Variants in LCLAT1 observed in about 807,000 individuals in gnomAD.
LCLAT1 encodes 1-AGP acyltransferase 8.
LCLAT1 carries 11 observed loss-of-function variants against 30.7 expected under a neutral mutation model. That is an observed-to-expected ratio of 0.36 (90% CI 0.23 to 0.59). LCLAT1 has a LOEUF of 0.59. Among genes scored for constraint, LCLAT1 ranks in the 20% least tolerant of loss-of-function variants. LCLAT1 has a pLI of 0.77. For missense variants in LCLAT1, 402 were observed against 458.6 expected (o/e 0.88, Z 1.13); for synonymous variants, 155 against 151.3 (o/e 1.02, Z -0.18).
At chr2:30,621,282 T>A (rs1668234089) in intron 5 of LCLAT1, among the ~76,000 whole-genome samples, 1 of 152,196 alleles carries the variant, frequency 6.6e-6, no homozygotes, top group Non-Finnish European at 1.5e-5. Flanking sequence ...TGAACGTTTG[T>A]GTTCCCCCAA....
chr2:30,559,751 A>G (rs1665105128), intron 3 of LCLAT1, among the ~76,000 whole-genome samples: 1 of 152,148 alleles, frequency 6.6e-6, no homozygotes, highest in Non-Finnish European at 1.5e-5. Context: ...TTTCTAGTTA[A>G]GTAATTGTTT....
chr2:30,638,235 G>A (rs763843983), intron 5 of LCLAT1, among the ~76,000 whole-genome samples: 2 of 152,200 alleles, frequency 1.3e-5, no homozygotes, highest in Non-Finnish European at 2.9e-5. Flanking sequence ...CCTGTTCAGT[G>A]GAAAGGGTAA....
intron 1 of LCLAT1, among the ~76,000 whole-genome samples, chr2:30,466,258 C>T (rs3060212): frequency 0.12 from 17,653 of 145,144 alleles, 1,172 homozygotes; most frequent in South Asian, 0.22. Flanking sequence ...TCTTTCTTTC[C>T]TGCTTTCTTT....
At chr2:30,629,592 A>T (rs540873783) in intron 5 of LCLAT1, among the ~76,000 whole-genome samples, 1 of 152,122 alleles carries the variant, frequency 6.6e-6, no homozygotes, top group East Asian at 1.9e-4. Flanking sequence ...TACTTGGGCA[A>T]TTTTCTTAAA....
chr2:30,583,988 C>T (rs11886181), intron 5 of LCLAT1, among the ~76,000 whole-genome samples: 19,182 of 151,622 alleles, frequency 0.13, 1,334 homozygotes, highest in South Asian at 0.23. Context: ...AGTGGTTTGC[C>T]GCACCTGTTG....
intron 1 of LCLAT1, among the ~76,000 whole-genome samples, chr2:30,454,863 G>A (rs968555524): frequency 6.6e-6 from 1 of 152,152 alleles, no homozygotes; most frequent in Non-Finnish European, 1.5e-5. Context: ...GAAGCAGGAT[G>A]GAAATAATCT....
intron 5 of LCLAT1, among the ~76,000 whole-genome samples, chr2:30,639,153 C>T (rs984187392): frequency 1.3e-5 from 2 of 152,212 alleles, no homozygotes; most frequent in Non-Finnish European, 2.9e-5. Context: ...CCACATGGCT[C>T]CTGCCCACTT....
chr2:30,641,706 ATCTT>A lies in LCLAT1; in HGVS notation c.*1093_*1096del, dbSNP rs1280392838. On this transcript the variant is annotated 3_prime_UTR_variant, in exon 6 of 6. Coordinates refer to ENST00000379509, the MANE Select transcript of LCLAT1 (RefSeq NM_001002257.3). ...TAATCCTTAATAATGATAGCAAGTG[ATCTT>A]TCTTTTTAGTTTTAGCCTTCCTTTT... The A allele has an allele frequency of 1.3e-5, 2 of 151,904 alleles. No individual in the cohort carries two copies. The highest frequency in any genetic ancestry group is 3.8e-4 in the East Asian group (2 of 5,196). 9.4% of individuals were successfully genotyped at this position (151,904 alleles called of 1,614,324 possible).
At chr2:30,459,798 T>A (rs971694820) in intron 1 of LCLAT1, 49 of 960,638 alleles carry the variant, frequency 5.1e-5, no homozygotes, top group Non-Finnish European at 7.2e-5. Flanking sequence ...CTTTTTGAAT[T>A]GATCATAGTT....
chr2:30,499,168 G>A (rs989513742), intron 1 of LCLAT1, among the ~76,000 whole-genome samples: 1 of 152,142 alleles, frequency 6.6e-6, no homozygotes, highest in Admixed American at 6.5e-5. Flanking sequence ...AAATAGAGCA[G>A]CTGTGTTTTG....
At chr2:30,487,198 G>A (rs913017312) in intron 1 of LCLAT1, among the ~76,000 whole-genome samples, 16 of 152,158 alleles carry the variant, frequency 1.1e-4, no homozygotes, top group Non-Finnish European at 2.2e-4. Flanking sequence ...ATTTCCCATG[G>A]TACCCAGCTA....
chr2:30,460,340 C>T (rs1382300076), intron 1 of LCLAT1, among the ~76,000 whole-genome samples: 9 of 152,184 alleles, frequency 5.9e-5, no homozygotes, highest in Non-Finnish European at 1.3e-4. Context: ...ATTCAGTTAC[C>T]TGCCAGGTTA....
intron 4 of LCLAT1, among the ~76,000 whole-genome samples, chr2:30,567,192 TTTAG>T (rs2148447937): frequency 6.6e-6 from 1 of 152,322 alleles, no homozygotes; most frequent in South Asian, 2.1e-4. Flanking sequence ...TATAAAAAAA[TTTAG>T]TTATTAGCAT....
At chr2:30,617,275 TG>T (rs1269019723) in intron 5 of LCLAT1, among the ~76,000 whole-genome samples, 1 of 152,176 alleles carries the variant, frequency 6.6e-6, no homozygotes, top group African/African-American at 2.4e-5. Context: ...TTCATATAAA[TG>T]GAATTATATA....
At chr2:30,452,487 A>G (rs1446556918) in intron 1 of LCLAT1, among the ~76,000 whole-genome samples, 1 of 152,220 alleles carries the variant, frequency 6.6e-6, no homozygotes, top group African/African-American at 2.4e-5. Flanking sequence ...TGGTCACAAA[A>G]TTATGCCCCA....
intron 3 of LCLAT1, among the ~76,000 whole-genome samples, chr2:30,542,651 G>T (rs1160365758): frequency 6.6e-6 from 1 of 151,828 alleles, no homozygotes; most frequent in Non-Finnish European, 1.5e-5. Context: ...GATTTTTATT[G>T]TGATTTCATT....
At chr2:30,615,843 G>T (rs529705417) in intron 5 of LCLAT1, among the ~76,000 whole-genome samples, 1 of 152,184 alleles carries the variant, frequency 6.6e-6, no homozygotes, top group East Asian at 1.9e-4. Context: ...TACTAAATCA[G>T]ATTACTTGCC....
intron 2 of LCLAT1, among the ~76,000 whole-genome samples, chr2:30,528,097 A>G (rs777053348): frequency 6.6e-6 from 1 of 152,232 alleles, no homozygotes; most frequent in Non-Finnish European, 1.5e-5. Context: ...GAGGAAGTCC[A>G]GAGCAAATGC....
intron 1 of LCLAT1, among the ~76,000 whole-genome samples, chr2:30,510,188 G>A (rs191918820): frequency 1.2e-3 from 183 of 152,192 alleles, no homozygotes; most frequent in African/African-American, 4.0e-3. Flanking sequence ...TCTCATCTAT[G>A]ATGATCTCTT....
Sources: gnomAD v4.1 joint callset for allele counts (sites outside exome capture counted in the v4.1 genomes callset) on GRCh38, gnomAD v4.1.1 for gene constraint, MANE v1.5 for transcripts, NCBI Gene and HGNC (gene_info 2026-07-23, HGNC 2026-07-21) for gene names.